Variants in CNTN5 observed in about 807,000 individuals in gnomAD.
CNTN5 encodes the protein contactin-5.
A neutral mutation model predicts 129.1 loss-of-function variants in CNTN5; 77 were observed. That is an observed-to-expected ratio of 0.60 (90% CI 0.50 to 0.72). CNTN5 has a LOEUF of 0.72. Ranked by LOEUF, CNTN5 falls within the 30% of genes least tolerant of loss-of-function variation. The pLI, the probability that CNTN5 is intolerant of heterozygous loss-of-function variation, is 0.00. For missense variants in CNTN5, 1,478 were observed against 1,328.8 expected, an observed-to-expected ratio of 1.11 and a Z score of -1.75; for synonymous variants, 509 against 465.6, an observed-to-expected ratio of 1.09 and a Z score of -1.20.
chr11:99,650,384 A>G (rs937382230), intron 3 of CNTN5, among the ~76,000 whole-genome samples: 2 of 151,878 alleles, frequency 1.3e-5, no homozygotes, highest in African/African-American at 4.8e-5. Context: ...ACAGATGATT[A>G]TAAAGCTATG....
intron 3 of CNTN5, among the ~76,000 whole-genome samples, chr11:99,731,548 G>A (rs995083348): frequency 6.6e-6 from 1 of 152,098 alleles, no homozygotes; most frequent in African/African-American, 2.4e-5. Context: ...ATTCCCTGGA[G>A]AGAGGAGGAT....
intron 3 of CNTN5, among the ~76,000 whole-genome samples, chr11:99,731,901 T>C (rs1322111337): frequency 6.6e-6 from 1 of 152,126 alleles, no homozygotes; most frequent in Non-Finnish European, 1.5e-5. Flanking sequence ...AAAAACTCCT[T>C]CTCTTGAGGG....
Position 100,222,706 on chromosome 11 carries a change from A to G in CNTN5, c.1885-1986A>G, listed in dbSNP as rs570942597. Among the ~76,000 whole-genome samples, 208 of 152,132 alleles carry G rather than the reference A, an allele frequency of 1.4e-3. 1 individual carries two copies. Among genetic ancestry groups the G allele is most frequent in the African/African-American group, 4.9e-3 (205 of 41,554 alleles). ...TCAACAACAAAAGGCACTATCTTTC[A>G]GACAGTGCTATTTCCAGGAAAAAAA... On this transcript the variant is annotated intron_variant, in intron 15 of 24. Coordinates refer to ENST00000524871, the MANE Select transcript of CNTN5 (RefSeq NM_014361.4).
chr11:99,444,918 T>C (rs1943998980), intron 2 of CNTN5, among the ~76,000 whole-genome samples: 3 of 151,698 alleles, frequency 2.0e-5, no homozygotes, highest in Admixed American at 1.3e-4. Context: ...TTAAATTTTA[T>C]GTATGTGCCT....
At chr11:100,314,392 C>T (rs1300010193) in intron 21 of CNTN5, among the ~76,000 whole-genome samples, 1 of 151,978 alleles carries the variant, frequency 6.6e-6, no homozygotes, top group Non-Finnish European at 1.5e-5. Context: ...CTTGATGTAC[C>T]AGGTATTATA....
At chr11:99,688,030 A>G (rs1342188665) in intron 3 of CNTN5, among the ~76,000 whole-genome samples, 4 of 152,170 alleles carry the variant, frequency 2.6e-5, no homozygotes, top group Non-Finnish European at 5.9e-5. Flanking sequence ...GATTTAAGTA[A>G]TATGTTGATT....
chr11:99,291,053 C>A (rs1263494125), intron 1 of CNTN5, among the ~76,000 whole-genome samples: 2 of 151,826 alleles, frequency 1.3e-5, no homozygotes, highest in African/African-American at 2.4e-5. Context: ...AAAACTAATT[C>A]ATGACTAAGG....
chr11:99,110,159 G>T (rs1366345096), intron 1 of CNTN5, among the ~76,000 whole-genome samples: 1 of 152,116 alleles, frequency 6.6e-6, no homozygotes, highest in Admixed American at 6.6e-5. Context: ...GAAGACTAAA[G>T]AATGCATTAT....
chr11:100,198,210 T>C (rs570550379), intron 15 of CNTN5, among the ~76,000 whole-genome samples: 9 of 152,014 alleles, frequency 5.9e-5, no homozygotes, highest in African/African-American at 1.2e-4. Flanking sequence ...ATAAAGATAA[T>C]GCAAGACATT....
chr11:99,494,520 G>T (rs752301659), intron 2 of CNTN5, among the ~76,000 whole-genome samples: 1 of 152,114 alleles, frequency 6.6e-6, no homozygotes, highest in Non-Finnish European at 1.5e-5. Flanking sequence ...TTACTTTCTT[G>T]TAATGGGGTC....
intron 13 of CNTN5, among the ~76,000 whole-genome samples, chr11:100,112,336 T>A (rs562058918): frequency 1.8e-4 from 27 of 152,264 alleles, no homozygotes; most frequent in African/African-American, 5.8e-4. Context: ...TTTTAGATAC[T>A]GAGATTCAGA....
intron 2 of CNTN5, among the ~76,000 whole-genome samples, chr11:99,408,147 C>T (rs1942175345): frequency 6.6e-6 from 1 of 151,982 alleles, no homozygotes; most frequent in South Asian, 2.1e-4. Flanking sequence ...TATTCCACCA[C>T]CATCTTGCTG....
chr11:99,139,015 T>A (rs1466373149), intron 1 of CNTN5, among the ~76,000 whole-genome samples: 1 of 152,030 alleles, frequency 6.6e-6, no homozygotes, highest in Non-Finnish European at 1.5e-5. Flanking sequence ...CAAAAGCGGG[T>A]AGATTGCTTG....
At chr11:99,309,719 G>C (rs780187075) in intron 1 of CNTN5, among the ~76,000 whole-genome samples, 1 of 152,138 alleles carries the variant, frequency 6.6e-6, no homozygotes, top group Non-Finnish European at 1.5e-5. Flanking sequence ...CTCATTTTAT[G>C]CATCTCAACT....
At chr11:99,034,559 A>AGGG (rs1253934967) in intron 1 of CNTN5, among the ~76,000 whole-genome samples, 2 of 151,330 alleles carry the variant, frequency 1.3e-5, no homozygotes, top group African/African-American at 4.9e-5. Flanking sequence ...ATTTGCGTAG[A>AGGG]GGTGTTTGTA....
intron 2 of CNTN5, among the ~76,000 whole-genome samples, chr11:99,491,877 T>C (rs1429578479): frequency 6.6e-6 from 1 of 152,150 alleles, no homozygotes; most frequent in Non-Finnish European, 1.5e-5. Flanking sequence ...TGGATGGTGG[T>C]GCAAGTAGGA....
intron 1 of CNTN5, among the ~76,000 whole-genome samples, chr11:99,191,700 A>T (rs902620862): frequency 4.6e-5 from 7 of 151,820 alleles, no homozygotes; most frequent in African/African-American, 1.7e-4. Flanking sequence ...ATTAAACAAC[A>T]TGTTTCTGAA....
chr11:99,927,114 CAGAG>C (rs1162519641), intron 7 of CNTN5, among the ~76,000 whole-genome samples: 1 of 152,146 alleles, frequency 6.6e-6, no homozygotes, highest in African/African-American at 2.4e-5. Context: ...TATTTGGACA[CAGAG>C]AGCTCTATTT....
intron 8 of CNTN5, among the ~76,000 whole-genome samples, chr11:99,997,675 G>T (rs11222270): frequency 0.38 from 56,830 of 151,278 alleles, 12,118 homozygotes; most frequent in African/African-American, 0.58. Context: ...ATCATCCTGA[G>T]ACCAAAGCCG....
Sources: allele counts gnomAD v4.1 joint callset (sites outside exome capture counted in the v4.1 genomes callset), GRCh38; gene constraint gnomAD v4.1.1; transcripts MANE v1.5; gene names NCBI Gene and HGNC (gene_info 2026-07-23, HGNC 2026-07-21).